Variants in DCP1A observed in about 807,000 individuals in gnomAD.
The protein encoded by DCP1A is decapping mRNA 1A, also known as mRNA-decapping enzyme 1A.
DCP1A carries 20 observed loss-of-function variants against 58.0 expected under a neutral mutation model. That is an observed-to-expected ratio of 0.34 (90% CI 0.24 to 0.50). The LOEUF (loss-of-function observed/expected upper bound fraction) is 0.50, where lower values mean the gene tolerates loss of function less well. Ranked by LOEUF, DCP1A falls within the 20% of genes least tolerant of loss-of-function variation. The pLI, the probability that DCP1A is intolerant of heterozygous loss-of-function variation, is 0.98. For synonymous variants in DCP1A, 285 were observed against 275.1 expected (o/e 1.04, Z -0.36); for missense variants, 613 against 712.2 (o/e 0.86, Z 1.59).
In DCP1A at chr3:53,284,575, C is replaced by G. The variant is rs1245353225; in HGVS notation, c.*3005G>C. The G allele has an allele frequency of 7.5e-6, 1 of 134,008 alleles. No individual in the cohort carries two copies. The highest frequency in any genetic ancestry group is 1.5e-5 in the Non-Finnish European group (1 of 64,966). 8.3% of individuals were successfully genotyped at this position (134,008 alleles called of 1,614,324 possible). ...TTTTTTTGAGGTGGAGTCTCACTGT[C>G]GCCCAGGCTAGAGTGCAGTGGTGTG... On this transcript the variant is annotated 3_prime_UTR_variant, in exon 10 of 10. Transcript: ENST00000610213.
intron 6 of DCP1A, among the ~76,000 whole-genome samples, chr3:53,295,943 A>C (rs1707109515): frequency 6.6e-6 from 1 of 151,298 alleles, no homozygotes; most frequent in African/African-American, 2.4e-5. Flanking sequence ...CCCAGGCTCA[A>C]GTGCGGTGGC....
chr3:53,325,925 T>C (rs1708092101), intron 3 of DCP1A, among the ~76,000 whole-genome samples: 4 of 152,220 alleles, frequency 2.6e-5, no homozygotes, highest in Admixed American at 2.6e-4. Context: ...CATTCAATTA[T>C]CTTTGCAGCT....
intron 4 of DCP1A, among the ~76,000 whole-genome samples, chr3:53,315,007 A>G (rs62256965): frequency 0.16 from 24,978 of 152,032 alleles, 2,545 homozygotes; most frequent in Middle Eastern, 0.28. Context: ...CCACTGCTGA[A>G]AGCAGAAGCT....
chr3:53,321,140 T>C (rs1361957177), intron 3 of DCP1A, among the ~76,000 whole-genome samples: 1 of 152,234 alleles, frequency 6.6e-6, no homozygotes, highest in Admixed American at 6.5e-5. Context: ...CCAGGCCCCC[T>C]TCTTATGTTG....
chr3:53,312,296 T>C lies in DCP1A; in HGVS notation c.455A>G (p.His152Arg). The change falls in exon 5 of 10, where the codon CAC becomes CGC. Residue 152 changes from histidine (H) to arginine (R), a missense_variant. This residue lies in a region of DCP1A where 498 missense variants were observed against 556.7 expected (regional missense o/e 0.89). Transcript: ENST00000610213. ...CATCTCCAGGATGTCGATGGGCCTG[T>C]GGTCGCTGCAGCCATTGGCCTGGCT... ...SPSQANGCSD[H>R]RPIDILEMLS... The C allele has an allele frequency of 1.2e-6, 2 of 1,613,558 alleles. No homozygotes were observed. The highest frequency in any genetic ancestry group is 1.7e-4 in the Middle Eastern group (1 of 6,060).
intron 4 of DCP1A, among the ~76,000 whole-genome samples, chr3:53,316,917 A>G (rs912155524): frequency 4.6e-5 from 7 of 152,148 alleles, no homozygotes; most frequent in African/African-American, 1.7e-4. Context: ...ATTTTTAGAT[A>G]GGCCTTCAGT....
At chr3:53,287,875 T>C (rs1553685340) in intron 9 of DCP1A, among the ~76,000 whole-genome samples, 190 bp downstream of exon 9, 1 of 152,170 alleles carries the variant, frequency 6.6e-6, no homozygotes, top group Non-Finnish European at 1.5e-5. Context: ...TACTCCCAGC[T>C]AGTCTGTTTT....
rs189479748 is a variant in DCP1A at position 53,343,397 on chromosome 3, C to A, written c.177-1126G>T. Among the ~76,000 whole-genome samples the A allele has an allele frequency of 1.6e-3, 250 of 152,256 alleles. 3 individuals carry two copies. Among genetic ancestry groups the A allele is most frequent in the East Asian group, 0.013 (68 of 5,188 alleles). On this transcript the variant is annotated intron_variant, in intron 2 of 9. Coordinates refer to ENST00000610213, the MANE Select transcript of DCP1A (RefSeq NM_018403.7). ...GCGTCTCCTTTAATTAGAATCAGTA[C>A]CATATAAGCCTCCGTGAATTGTATT...
At chr3:53,314,064 A>G (rs976466489) in intron 4 of DCP1A, among the ~76,000 whole-genome samples, 26 of 151,580 alleles carry the variant, frequency 1.7e-4, no homozygotes, top group African/African-American at 6.3e-4. Context: ...TGTTTTATTT[A>G]TTTTTTTATT....
intron 6 of DCP1A, among the ~76,000 whole-genome samples, chr3:53,300,168 C>T (rs183704114): frequency 9.9e-4 from 150 of 152,018 alleles, no homozygotes; most frequent in African/African-American, 3.6e-3. Flanking sequence ...CCTCCATGCC[C>T]GACCAAACGT....
intron 3 of DCP1A, among the ~76,000 whole-genome samples, chr3:53,329,814 G>A (rs545281287): frequency 6.6e-6 from 1 of 152,116 alleles, no homozygotes; most frequent in East Asian, 1.9e-4. Context: ...CATGCCTTAG[G>A]GTGTTACATG....
chr3:53,312,194 C>T (rs371005909), intron 5 of DCP1A, 47 bp downstream of exon 5: 46 of 1,516,128 alleles, frequency 3.0e-5, no homozygotes, highest in East Asian at 2.6e-4. Context: ...CTCCTCCTCC[C>T]GTTTTGGTCT....
chr3:53,332,724 G>T (rs975958446), intron 3 of DCP1A, among the ~76,000 whole-genome samples: 1 of 152,054 alleles, frequency 6.6e-6, no homozygotes, highest in Non-Finnish European at 1.5e-5. Context: ...AATTAGCCGG[G>T]TGTGGTGGCG....
intron 3 of DCP1A, among the ~76,000 whole-genome samples, chr3:53,324,961 CA>C (rs1708068866): frequency 6.6e-6 from 1 of 151,678 alleles, no homozygotes; most frequent in Non-Finnish European, 1.5e-5. Context: ...CTAAGAATAT[CA>C]AACATTAAAT....
In DCP1A at chr3:53,312,385, G is replaced by A. The variant is rs1184320759; in HGVS notation, c.372-6C>T. 7.0e-6 allele frequency: 11 copies of A among 1,575,668 alleles called. No homozygotes were observed. Among genetic ancestry groups the A allele is most frequent in the African/African-American group, 1.4e-5 (1 of 73,196 alleles). On this transcript the variant is annotated splice_region_variant and splice_polypyrimidine_tract_variant and intron_variant, in intron 4 of 9. Transcript: ENST00000610213. ...GTGTCTCCTCTTCTACCACACTAGAGGAGAAGAACAAGGTTTTAGAAAGGC... is the reference window on the plus strand; with the variant it reads ...GTGTCTCCTCTTCTACCACACTAGAAGAGAAGAACAAGGTTTTAGAAAGGC...
rs11917637 is a variant in DCP1A, at chr3:53,334,696, A to G, written c.304+7448T>C. 5.9e-3 allele frequency among the ~76,000 whole-genome samples: 903 copies of G among 152,236 alleles called. 11 individuals are homozygous for G. Among genetic ancestry groups the G allele is most frequent in the African/African-American group, 0.02 (835 of 41,520 alleles). On this transcript the variant is annotated intron_variant, in intron 3 of 9. Transcript: ENST00000610213. Reference sequence around the variant, plus strand: ...GCCTGCATCTTAATATTTTCAATTAATCATGTTATACTGTGGAGCGTTTGG... The same window carrying G: ...GCCTGCATCTTAATATTTTCAATTAGTCATGTTATACTGTGGAGCGTTTGG...
chr3:53,315,145 T>C (rs914694021), intron 4 of DCP1A, among the ~76,000 whole-genome samples: 4 of 152,184 alleles, frequency 2.6e-5, no homozygotes, highest in African/African-American at 9.6e-5. Flanking sequence ...AACCTACCCC[T>C]AAGATGTCTG....
intron 6 of DCP1A, among the ~76,000 whole-genome samples, chr3:53,299,884 C>T (rs1180294789): frequency 6.6e-6 from 1 of 152,056 alleles, no homozygotes; most frequent in Non-Finnish European, 1.5e-5. Context: ...TCCTCCCACC[C>T]CGAGATGGAG....
At chr3:53,302,490 G>A (rs1707342522) in intron 6 of DCP1A, among the ~76,000 whole-genome samples, 1 of 152,088 alleles carries the variant, frequency 6.6e-6, no homozygotes, top group Admixed American at 6.5e-5. Flanking sequence ...TGTTTTACAT[G>A]GTGCTTATAT....
Sources: gnomAD v4.1 joint callset for allele counts (sites outside exome capture counted in the v4.1 genomes callset) on GRCh38, gnomAD v4.1.1 for gene constraint, gnomAD v4.1.1 regional missense constraint, MANE v1.5 for transcripts, NCBI Gene and HGNC (gene_info 2026-07-23, HGNC 2026-07-21) for gene names.